TAS1R2: variants seen among roughly 807,000 people sequenced by gnomAD.
TAS1R2 encodes the protein taste 1 receptor member 2.
TAS1R2 carries 47 observed loss-of-function variants against 49.3 expected under a neutral mutation model. That is an observed-to-expected ratio of 0.95 (90% CI 0.75 to 1.22). The LOEUF is 1.22. Among genes scored for constraint, TAS1R2 ranks in the 50% most tolerant of loss-of-function variants. The pLI, the probability that TAS1R2 is intolerant of heterozygous loss-of-function variation, is 0.00. For missense variants in TAS1R2, 1,155 were observed against 1,122.1 expected (o/e 1.03, Z -0.42); for synonymous variants, 479 against 467.9 (o/e 1.02, Z -0.31).
intron 1 of TAS1R2, 127 bp downstream of exon 1, chr1:18,859,352 T>A (rs867245638): frequency 9.2e-5 from 107 of 1,160,410 alleles, no homozygotes; most frequent in Admixed American, 6.7e-4. Flanking sequence ...AATAAGGGGG[T>A]TGGCAATGAA....
At chr1:18,845,108 C>T (rs1360044171) in intron 4 of TAS1R2, among the ~76,000 whole-genome samples, 1 of 152,200 alleles carries the variant, frequency 6.6e-6, no homozygotes, top group African/African-American at 2.4e-5. Context: ...AATGCAGCAT[C>T]GCCATCTGGG....
chr1:18,857,407 A>G (rs747160021), exon 2 of TAS1R2: 4 of 1,614,216 alleles, frequency 2.5e-6, no homozygotes, highest in Non-Finnish European at 3.4e-6. Context: ...AATGACAGCC[A>G]CCACACGGGA....
At position 18,854,852 on chromosome 1, in the gene TAS1R2, G is replaced by A. The variant is rs1934108071; in HGVS notation, c.618C>T (p.Ile206=). Reference sequence around the variant, plus strand: ...AGGTGTCGCTGCTCACCAGCACAATGATCCAGTTCCAGCGGAAGTGCAGCA... The same window carrying A: ...AGGTGTCGCTGCTCACCAGCACAATAATCCAGTTCCAGCGGAAGTGCAGCA... Residue 206 remains isoleucine (I), a synonymous_variant, in exon 3 of 6, where the codon ATC becomes ATT. Coordinates refer to ENST00000375371, the Ensembl canonical transcript of TAS1R2. This position sits in a 1 kb window ranked among gnomAD's most constrained non-coding sequence, Gnocchi z 4.9. 6.2e-7 allele frequency: 1 copy of A among 1,610,382 alleles called. No homozygotes were observed. Among genetic ancestry groups the A allele is most frequent in the African/African-American group, 1.3e-5 (1 of 74,920 alleles).
chr1:18,844,104 CTAAGCTTTTT>C (rs2100509192), intron 4 of TAS1R2, among the ~76,000 whole-genome samples: 1 of 152,318 alleles, frequency 6.6e-6, no homozygotes, highest in Admixed American at 6.5e-5. Context: ...TGCTGCCATA[CTAAGCTTTTT>C]TCAGGGATAC....
chr1:18,850,593 G>A (rs1201818278), intron 3 of TAS1R2, among the ~76,000 whole-genome samples: 1 of 152,266 alleles, frequency 6.6e-6, no homozygotes, highest in Admixed American at 6.5e-5. Flanking sequence ...CTGGGAATCA[G>A]GTCCTGGGTG....
At chr1:18,840,638 AACCCTT>A in intron 5 of TAS1R2, 111 bp from the exon 6 acceptor site, 2 of 1,130,180 alleles carry the variant, frequency 1.8e-6, no homozygotes, top group Admixed American at 4.1e-5. Context: ...CACCAAGGGC[AACCCTT>A]GCATTCACAG....
At chr1:18,839,875 C>G (rs200020097) in exon 6 of TAS1R2, 1 of 1,614,206 alleles carries the variant, frequency 6.2e-7, no homozygotes, top group Admixed American at 1.7e-5. Flanking sequence ...GCTCTTTGCC[C>G]ATGTAGGCGA....
In TAS1R2 at chr1:18,854,768, G is replaced by C. The variant is rs139202498; in HGVS notation, c.702C>G (p.Ile234Met). The C allele has an allele frequency of 1.9e-6, 3 of 1,609,218 alleles. No homozygotes were observed. The highest frequency in any genetic ancestry group is 2.5e-6 in the Non-Finnish European group (3 of 1,179,366). The stretch of plus-strand genomic sequence containing the variant: ...GTGTGGGCAGCGTCTCCTGGAAGGC[G>C]ATGCAGATGTCGCGCCGGGCCACGC... Residue 234 changes from isoleucine to methionine, a missense_variant, in exon 3 of 6, where the codon ATC becomes ATG. Transcript: ENST00000375371. This position sits in a 1 kb window ranked among gnomAD's most constrained non-coding sequence, Gnocchi z 4.9.
chr1:18,854,723 C>T lies in TAS1R2; in HGVS notation c.747G>A (p.Met249Ile), dbSNP rs148245865. 5.5e-4 allele frequency: 883 copies of T among 1,613,022 alleles called. 3 individuals are homozygous for T. In the African/African-American group the frequency reaches 9.9e-3, roughly 18 times the overall value. ...CCAGGCGCTGGCGCTCCTCTGACGT[C>T]ATGTTCTGGTTGGGCTGCAGTGTGG... The change falls in exon 3 of 6, where the codon ATG (methionine) becomes ATA (isoleucine). Residue 249 changes from methionine (M) to isoleucine (I), a missense_variant. By Grantham distance (10) the Met-to-Ile change is conservative. Coordinates refer to ENST00000375371, the Ensembl canonical transcript of TAS1R2. The surrounding 1 kb of genome is among the most constrained non-coding windows in gnomAD (Gnocchi z 4.9).
intron 5 of TAS1R2, 62 bp downstream of exon 5, chr1:18,841,667 T>C (rs1197872767): frequency 1.3e-6 from 2 of 1,576,092 alleles, no homozygotes; most frequent in East Asian, 2.3e-5. Flanking sequence ...CCCTAGAGAC[T>C]CCAGGGGCAG....
intron 4 of TAS1R2, 78 bp from the exon 5 acceptor site, chr1:18,841,930 G>T: frequency 1.5e-6 from 2 of 1,374,658 alleles, no homozygotes; most frequent in Non-Finnish European, 1.9e-6. Context: ...CAACCAGCAG[G>T]ATGTTCAGGG....
chr1:18,840,396 G>A (rs1933800288), exon 6 of TAS1R2: 1 of 1,614,044 alleles, frequency 6.2e-7, no homozygotes, highest in Admixed American at 1.7e-5. Flanking sequence ...AGGAAGCCCA[G>A]GGCGGCCAGC....
chr1:18,853,014 A>T (rs1934061281), intron 3 of TAS1R2, among the ~76,000 whole-genome samples: 2 of 152,194 alleles, frequency 1.3e-5, no homozygotes, highest in Admixed American at 6.5e-5. Context: ...AGAAGGAAAA[A>T]GTCAACTGTC....
chr1:18,856,867 G>A (rs746806107), intron 2 of TAS1R2, among the ~76,000 whole-genome samples: 5 of 152,176 alleles, frequency 3.3e-5, no homozygotes, highest in African/African-American at 7.2e-5. Flanking sequence ...GACCTACTAC[G>A]AGGCAGACCT....
rs569257309 is a variant in TAS1R2 at position 18,840,403 on chromosome 1, C to T, written c.1716G>A (p.Leu572=). 2.0e-5 allele frequency: 33 copies of T among 1,614,146 alleles called. 1 individual carries two copies. In the South Asian group the frequency reaches 2.9e-4, roughly 14 times the overall value. ...GGGTGCTGAGGAAGCCCAGGGCGGC[C>T]AGCAGGGCCACAGCGATGGTGGGTG... Residue 572 remains leucine (L), a synonymous_variant, in exon 6 of 6, where the codon CTG becomes CTA. Coordinates refer to ENST00000375371, the Ensembl canonical transcript of TAS1R2.
At chr1:18,847,756 T>C (rs1933948837) in intron 4 of TAS1R2, among the ~76,000 whole-genome samples, 1 of 152,200 alleles carries the variant, frequency 6.6e-6, no homozygotes, top group Admixed American at 6.5e-5. Context: ...GAGTATCCAA[T>C]GACAGGCTGT....
intron 4 of TAS1R2, among the ~76,000 whole-genome samples, chr1:18,844,111 T>C (rs1360234443): frequency 6.6e-6 from 1 of 152,190 alleles, no homozygotes; most frequent in Non-Finnish European, 1.5e-5. Flanking sequence ...ATACTAAGCT[T>C]TTTTCAGGGA....
In TAS1R2 at chr1:18,854,799, C is replaced by A; in HGVS notation, c.671G>T (p.Gly224Val). ...GATGTCGCGCCGGGCCACGCGCTCG[C>A]CAAGCAGCTGGCCATTGTCGCGGCC... is the stretch of plus-strand genomic sequence containing the variant. Residue 224 changes from glycine (G) to valine (V), a missense_variant, in exon 3 of 6, where the codon GGC becomes GTC. By Grantham distance (109) the Gly-to-Val change is moderately radical. Coordinates refer to ENST00000375371, the Ensembl canonical transcript of TAS1R2. This position sits in a 1 kb window ranked among gnomAD's most constrained non-coding sequence, Gnocchi z 4.9. 1.2e-6 allele frequency: 2 copies of A among 1,606,006 alleles called. No individual in the cohort carries two copies. The highest frequency in any genetic ancestry group is 1.7e-6 in the Non-Finnish European group (2 of 1,178,780).
At chr1:18,839,716 C>T in exon 6 of TAS1R2, 3 of 1,614,196 alleles carry the variant, frequency 1.9e-6, no homozygotes, top group Non-Finnish European at 2.5e-6. Flanking sequence ...GGCTGATGGC[C>T]AGGAGGTTGA....
Sources: allele counts gnomAD v4.1 joint callset (sites outside exome capture counted in the v4.1 genomes callset), GRCh38; gene constraint gnomAD v4.1.1; non-coding constraint Gnocchi (gnomAD v3.1); transcripts MANE v1.5; gene names NCBI Gene and HGNC (gene_info 2026-07-23, HGNC 2026-07-21).